Variants in MGAT4C observed in about 807,000 individuals in gnomAD.
MGAT4C encodes MGAT4 family member C, also known as alpha-1,3-mannosyl-glycoprotein 4-beta-N-acetylglucosaminyltransferase C.
In MGAT4C, 19 loss-of-function variants were observed where a neutral mutation model predicts 40.1. That is an observed-to-expected ratio of 0.47 (90% CI 0.33 to 0.70). The LOEUF is 0.70. Ranked by LOEUF, MGAT4C falls within the 30% of genes least tolerant of loss-of-function variation. The pLI is 0.02. For missense variants in MGAT4C, 491 were observed against 563.2 expected, an observed-to-expected ratio of 0.87 and a Z score of 1.30; for synonymous variants, 181 against 187.1, an observed-to-expected ratio of 0.97 and a Z score of 0.27.
chr12:86,388,883 C>A (rs1275241175), intron 3 of MGAT4C, among the ~76,000 whole-genome samples: 1 of 151,784 alleles, frequency 6.6e-6, no homozygotes, highest in East Asian at 1.9e-4. Context: ...ATGGTTTCAC[C>A]ATGTTGGCCA....
intron 2 of MGAT4C, among the ~76,000 whole-genome samples, chr12:86,699,630 TTAA>T (rs1950319570): frequency 6.6e-6 from 1 of 152,096 alleles, no homozygotes; most frequent in Admixed American, 6.6e-5. Flanking sequence ...CCCCATAAAC[TTAA>T]TTATTAATAG....
chr12:86,601,661 C>T (rs1293633501), intron 2 of MGAT4C, among the ~76,000 whole-genome samples: 2 of 152,196 alleles, frequency 1.3e-5, no homozygotes. Context: ...TGCTGGCTCA[C>T]TGAGCTGTGG....
intron 2 of MGAT4C, among the ~76,000 whole-genome samples, chr12:86,494,104 G>T (rs958873789): frequency 4.6e-5 from 7 of 151,888 alleles, no homozygotes; most frequent in African/African-American, 1.7e-4. Context: ...ACCTTAAAAA[G>T]TTCATTTGTG....
intron 1 of MGAT4C, among the ~76,000 whole-genome samples, chr12:86,777,949 TAAATATATTTTAAAATC>T (rs1268638571): frequency 6.6e-6 from 1 of 152,170 alleles, no homozygotes; most frequent in African/African-American, 2.4e-5. Context: ...ATAATGATAA[TAAATATATTTTAAAATC>T]ATTGAATTAA....
Position 85,980,081 on chromosome 12 carries a change from A to C in MGAT4C, c.645T>G (p.Asn215Lys), listed in dbSNP as rs1300077325. The change falls in exon 5 of 5, where the codon AAT becomes AAG. Residue 215 changes from asparagine (N) to lysine (K), a missense_variant. Asn to Lys is a moderately conservative substitution (Grantham distance 94). Transcript: ENST00000611864. ...DYAFLLNFCA[N>K]TSDYYVMLED... ...CAAGCATTACATAATAGTCTGAAGT[A>C]TTGGCACAAAAATTAAGCAGAAAAG... is the stretch of plus-strand genomic sequence containing the variant. 1 of 1,613,716 alleles carries C rather than the reference A, an allele frequency of 6.2e-7. No individual in the cohort carries two copies. Among genetic ancestry groups the C allele is most frequent in the Non-Finnish European group, 8.5e-7 (1 of 1,179,854 alleles).
intron 2 of MGAT4C, among the ~76,000 whole-genome samples, chr12:86,452,557 C>T (rs1394148740): frequency 6.6e-6 from 1 of 151,832 alleles, no homozygotes; most frequent in African/African-American, 2.4e-5. Flanking sequence ...GAAAATGCCT[C>T]AAAGTAAATT....
chr12:86,737,342 C>CTT (rs36112885), intron 1 of MGAT4C, among the ~76,000 whole-genome samples: 55,153 of 131,126 alleles, frequency 0.42, 12,059 homozygotes, highest in African/African-American at 0.52. Flanking sequence ...AACTAAAATA[C>CTT]TTTTTTTTTT....
At chr12:86,168,056 T>C (rs1886381168) in intron 1 of MGAT4C, among the ~76,000 whole-genome samples, 1 of 152,218 alleles carries the variant, frequency 6.6e-6, no homozygotes, top group Non-Finnish European at 1.5e-5. Context: ...GTAAAACTAA[T>C]TGGATTTAAA....
At chr12:86,813,282 T>C (rs1483938093) in intron 1 of MGAT4C, among the ~76,000 whole-genome samples, 1 of 151,390 alleles carries the variant, frequency 6.6e-6, no homozygotes, top group African/African-American at 2.4e-5. Flanking sequence ...TTATGATTTA[T>C]ACATTTCAAG....
intron 3 of MGAT4C, among the ~76,000 whole-genome samples, chr12:86,378,724 C>G (rs989914034): frequency 5.3e-5 from 8 of 152,108 alleles, no homozygotes; most frequent in African/African-American, 1.9e-4. Context: ...ATAAGATTAG[C>G]AAGAAGATGA....
chr12:86,630,983 A>G (rs1349603081), intron 2 of MGAT4C, among the ~76,000 whole-genome samples: 5 of 152,224 alleles, frequency 3.3e-5, no homozygotes, highest in African/African-American at 9.6e-5. Context: ...TGCAGAAGAC[A>G]TGATGGTATA....
chr12:86,060,198 T>G (rs1451072689), intron 1 of MGAT4C, among the ~76,000 whole-genome samples: 1 of 152,300 alleles, frequency 6.6e-6, no homozygotes, highest in African/African-American at 2.4e-5. Context: ...GGCCCCTAGG[T>G]AGACTGACCT....
At chr12:86,375,294 G>C (rs949431283) in intron 3 of MGAT4C, among the ~76,000 whole-genome samples, 1 of 152,142 alleles carries the variant, frequency 6.6e-6, no homozygotes, top group Admixed American at 6.5e-5. Flanking sequence ...AAAGAATGGA[G>C]AAATTACATG....
chr12:86,746,054 C>T (rs146245028), intron 1 of MGAT4C, among the ~76,000 whole-genome samples: 2,670 of 151,758 alleles, frequency 0.018, 29 homozygotes, highest in Non-Finnish European at 0.027. Context: ...CTCATTCACT[C>T]TGCTCACAGA....
intron 4 of MGAT4C, among the ~76,000 whole-genome samples, chr12:85,981,858 G>A (rs749867925): frequency 6.6e-6 from 1 of 152,042 alleles, no homozygotes; most frequent in Non-Finnish European, 1.5e-5. Context: ...TGGCATGTGT[G>A]CCAATAAACA....
rs1240001437 is a variant in MGAT4C, at chr12:85,958,875, T to C, written c.*20414A>G. ...TAAGCTTACTTAACTAATGATCAAA[T>C]AGATTAAGTTGTATAAAATTTTACA... On this transcript the variant is annotated 3_prime_UTR_variant, in exon 5 of 5. Transcript: ENST00000611864. 1 of 152,058 alleles carries C rather than the reference T, an allele frequency of 6.6e-6. No individual in the cohort carries two copies. Among genetic ancestry groups the C allele is most frequent in the African/African-American group, 2.4e-5 (1 of 41,434 alleles). The allele number at this position is 152,058 out of a possible 1,614,324, so 9.4% of individuals were successfully genotyped here. A position where few individuals can be genotyped will look rare whatever the true frequency, so the allele number is the denominator to read the frequency against.
intron 1 of MGAT4C, among the ~76,000 whole-genome samples, chr12:86,144,351 C>T (rs1051437992): frequency 6.6e-5 from 10 of 152,046 alleles, no homozygotes; most frequent in Non-Finnish European, 1.3e-4. Flanking sequence ...GATAGATTCT[C>T]CTAATTGAAA....
chr12:86,613,420 T>G (rs1962348734), intron 2 of MGAT4C, among the ~76,000 whole-genome samples: 1 of 152,168 alleles, frequency 6.6e-6, no homozygotes, highest in Admixed American at 6.5e-5. Context: ...TCCGACAAAG[T>G]AAGTATTGGG....
At chr12:86,838,259 T>G (rs1236775165) in intron 1 of MGAT4C, among the ~76,000 whole-genome samples, 2 of 152,236 alleles carry the variant, frequency 1.3e-5, no homozygotes, top group East Asian at 3.8e-4. Flanking sequence ...AGACAAAGTT[T>G]GTATTTTGGA....
Sources: allele counts gnomAD v4.1 joint callset (sites outside exome capture counted in the v4.1 genomes callset), GRCh38; gene constraint gnomAD v4.1.1; transcripts MANE v1.5; gene names NCBI Gene and HGNC (gene_info 2026-07-23, HGNC 2026-07-21).